WNT3A: variants seen among roughly 807,000 people sequenced by gnomAD.
WNT3A encodes protein Wnt-3a.
A neutral mutation model predicts 37.0 loss-of-function variants in WNT3A; 17 were observed. That is an observed-to-expected ratio of 0.46 (90% confidence interval 0.31 to 0.69). WNT3A has a LOEUF of 0.69. Ranked by LOEUF, WNT3A falls within the 30% of genes least tolerant of loss-of-function variation. The pLI is 0.05. For missense variants in WNT3A, 411 were observed against 510.2 expected (o/e 0.81, Z 1.87); for synonymous variants, 187 against 211.0 (o/e 0.89, Z 0.99).
chr1:228,056,286 A>G (rs915536189), intron 3 of WNT3A, among the ~76,000 whole-genome samples: 10 of 152,250 alleles, frequency 6.6e-5, no homozygotes, highest in African/African-American at 1.7e-4. Context: ...GCAAAGTCCA[A>G]AACAAACAAA....
At chr1:228,044,818 G>A (rs1228689002) in intron 2 of WNT3A, among the ~76,000 whole-genome samples, 2 of 152,242 alleles carry the variant, frequency 1.3e-5, no homozygotes, top group African/African-American at 2.4e-5. Flanking sequence ...CCAGAACATA[G>A]GGTCTCACGC....
At chr1:228,027,479 A>T (rs2030880303) in intron 2 of WNT3A, among the ~76,000 whole-genome samples, 2 of 152,212 alleles carry the variant, frequency 1.3e-5, no homozygotes, top group Non-Finnish European at 2.9e-5. Flanking sequence ...TTGCAAGAGT[A>T]AGGTGGTATC....
chr1:228,057,123 G>T (rs766972), intron 3 of WNT3A, among the ~76,000 whole-genome samples: 109,672 of 152,162 alleles, frequency 0.72, 39,714 homozygotes, highest in African/African-American at 0.79. Flanking sequence ...ACAGGTACAT[G>T]GATAACACCA....
rs983835093 is a variant in WNT3A at position 228,008,224 on chromosome 1, G to T, written c.71+1025G>T. Among the ~76,000 whole-genome samples, 2 of 152,196 alleles carry T rather than the reference G, an allele frequency of 1.3e-5. No homozygotes were observed. Among genetic ancestry groups the T allele is most frequent in the African/African-American group, 4.8e-5 (2 of 41,458 alleles). ...ATGTGGGCGCGCAGGGCCGGGCGCA[G>T]CGCTGGTAGGACCCACAGTTGGAGA... On this transcript the variant is annotated intron_variant, in intron 1 of 3. Coordinates refer to ENST00000284523, the MANE Select transcript of WNT3A (RefSeq NM_033131.4). The surrounding 1 kb of genome is among the most constrained non-coding windows in gnomAD (Gnocchi z 4.9).
chr1:228,015,814 C>T (rs1047210406), intron 1 of WNT3A, among the ~76,000 whole-genome samples: 2 of 149,216 alleles, frequency 1.3e-5, no homozygotes, highest in Admixed American at 6.9e-5. Context: ...GCCTACAAAG[C>T]GTGGGAGAGG....
rs2031751856 is a variant in WNT3A, at chr1:228,059,515, G to T, written c.*50G>T. 1 of 1,459,484 alleles carries T rather than the reference G, an allele frequency of 6.9e-7. No individual in the cohort carries two copies. The highest frequency in any genetic ancestry group is 1.4e-5 in the African/African-American group (1 of 70,312). The allele number at this position is 1,459,484 out of a possible 1,614,324, so 90.4% of individuals were successfully genotyped here. The stretch of plus-strand genomic sequence containing the variant: ...CGGGGCGGGCCCTGCCTGAGGGTGG[G>T]CTTTTCCCTGGGTGGAGCAGGACTC... On this transcript the variant is annotated 3_prime_UTR_variant, in exon 4 of 4. Coordinates refer to ENST00000284523, the MANE Select transcript of WNT3A (RefSeq NM_033131.4).
chr1:228,037,570 G>T lies in WNT3A; in HGVS notation c.314-13086G>T, dbSNP rs2031174626. On this transcript the variant is annotated intron_variant, in intron 2 of 3. Coordinates refer to ENST00000284523, the MANE Select transcript of WNT3A (RefSeq NM_033131.4). This position sits in a 1 kb window ranked among gnomAD's most constrained non-coding sequence, Gnocchi z 4.1. ...GGTGGGGCCTGCCTGCTAGGACATG[G>T]GGACACACAGGGCAGCTCTTTAGGG... Among the ~76,000 whole-genome samples, 1 of 152,184 alleles carries T rather than the reference G, an allele frequency of 6.6e-6. No individual in the cohort carries two copies. Among genetic ancestry groups the T allele is most frequent in the African/African-American group, 2.4e-5 (1 of 41,448 alleles).
intron 2 of WNT3A, among the ~76,000 whole-genome samples, chr1:228,045,160 C>T (rs1197243342): frequency 2.6e-5 from 4 of 152,190 alleles, no homozygotes; most frequent in African/African-American, 7.2e-5. Flanking sequence ...GCAGGGATCT[C>T]GAGGCCCTTG....
chr1:228,012,873 C>G (rs1278783561), intron 1 of WNT3A, among the ~76,000 whole-genome samples: 1 of 152,072 alleles, frequency 6.6e-6, no homozygotes, highest in Non-Finnish European at 1.5e-5. Flanking sequence ...ATGTCATTCA[C>G]AAAGGAGACC....
At chr1:228,026,555 C>G (rs548915672) in intron 2 of WNT3A, among the ~76,000 whole-genome samples, 1 of 152,222 alleles carries the variant, frequency 6.6e-6, no homozygotes, top group East Asian at 1.9e-4. Flanking sequence ...TAGTGCACCC[C>G]TCACCTAAAT....
At chr1:228,044,525 T>C (rs995877317) in intron 2 of WNT3A, among the ~76,000 whole-genome samples, 1 of 152,142 alleles carries the variant, frequency 6.6e-6, no homozygotes, top group Non-Finnish European at 1.5e-5. Flanking sequence ...AGCCATCAAT[T>C]TGGGTTGGTC....
chr1:228,020,910 C>T (rs1030239945), intron 1 of WNT3A, among the ~76,000 whole-genome samples: 7 of 152,198 alleles, frequency 4.6e-5, no homozygotes, highest in Admixed American at 2.0e-4. Flanking sequence ...ACTGGGAGTC[C>T]GGTCCGGAGG....
chr1:228,025,586 C>T (rs868330584), intron 2 of WNT3A, among the ~76,000 whole-genome samples: 21 of 152,152 alleles, frequency 1.4e-4, no homozygotes, highest in Admixed American at 8.5e-4. Context: ...TGGGCTCAAG[C>T]GATCCACCTG....
chr1:228,027,547 T>C (rs1187471072), intron 2 of WNT3A, among the ~76,000 whole-genome samples: 2 of 152,266 alleles, frequency 1.3e-5, no homozygotes, highest in African/African-American at 4.8e-5. Context: ...CATTTTTACC[T>C]ATGTTTTTTG....
chr1:228,055,908 G>A (rs1159761444), intron 3 of WNT3A, among the ~76,000 whole-genome samples: 1 of 152,186 alleles, frequency 6.6e-6, no homozygotes, highest in Non-Finnish European at 1.5e-5. Flanking sequence ...TCTGAGGGAC[G>A]CCAAGCACAT....
At chr1:228,051,592 G>C (rs72756206) in intron 3 of WNT3A, among the ~76,000 whole-genome samples, 5 of 152,292 alleles carry the variant, frequency 3.3e-5, no homozygotes, top group Non-Finnish European at 7.3e-5. Flanking sequence ...TCCGGTGAGG[G>C]CCTGCTCCTC....
rs1036779298 is a variant in WNT3A, at chr1:228,007,579, A to C, written c.71+380A>C. Among the ~76,000 whole-genome samples the C allele has an allele frequency of 3.3e-5, 5 of 152,154 alleles. No individual in the cohort carries two copies. Among genetic ancestry groups the C allele is most frequent in the African/African-American group, 4.8e-5 (2 of 41,444 alleles). Reference sequence around the variant, plus strand: ...CAGGCGAGGGAAGAGGGCCAGCGAGAGAGAATTCGCCGGAGACTTTCCTCA... The same window carrying C: ...CAGGCGAGGGAAGAGGGCCAGCGAGCGAGAATTCGCCGGAGACTTTCCTCA... On this transcript the variant is annotated intron_variant, in intron 1 of 3. Transcript: ENST00000284523. The surrounding 1 kb of genome is among the most constrained non-coding windows in gnomAD (Gnocchi z 6.0).
chr1:228,054,006 G>A (rs2031614735), intron 3 of WNT3A, among the ~76,000 whole-genome samples: 1 of 152,042 alleles, frequency 6.6e-6, no homozygotes, highest in African/African-American at 2.4e-5. Flanking sequence ...TTTGTCTAGG[G>A]GCCATTTGCT....
intron 2 of WNT3A, among the ~76,000 whole-genome samples, chr1:228,026,422 G>A (rs563053746): frequency 6.6e-6 from 1 of 152,224 alleles, no homozygotes; most frequent in East Asian, 1.9e-4. Context: ...CATATATGGT[G>A]TTGGCTGCAG....
Sources: allele counts gnomAD v4.1 joint callset (sites outside exome capture counted in the v4.1 genomes callset), GRCh38; gene constraint gnomAD v4.1.1; non-coding constraint Gnocchi (gnomAD v3.1); transcripts MANE v1.5; gene names NCBI Gene and HGNC (gene_info 2026-07-23, HGNC 2026-07-21).